NPBWR2: variants seen among roughly 807,000 people sequenced by gnomAD.
The protein encoded by NPBWR2 is neuropeptides B and W receptor 2.
For missense variants in NPBWR2, 390 were observed against 458.2 expected (o/e 0.85, Z 1.36); for synonymous variants, 207 against 223.5 (o/e 0.93, Z 0.66).
chr20:64,106,539 A>G lies in NPBWR2; in HGVS notation c.293T>C (p.Leu98Pro), dbSNP rs968373723. ...AVADGLFTLV[L>P]PVNIAEHLLQ... ...CAGGTGCTCCGCGATGTTGACGGGC[A>G]GTACCAGCGTGAAGAGCCCGTCGGC... Residue 98 changes from leucine (L) to proline (P), a missense_variant, in exon 2 of 2, where the codon CTG (leucine) becomes CCG (proline). Coordinates refer to ENST00000684052, the MANE Select transcript of NPBWR2 (RefSeq NM_005286.4). This position sits in a 1 kb window ranked among gnomAD's most constrained non-coding sequence, Gnocchi z 9.5. 3 of 1,612,298 alleles carry G rather than the reference A, an allele frequency of 1.9e-6. No individual in the cohort carries two copies. Among genetic ancestry groups the G allele is most frequent in the Non-Finnish European group, 2.5e-6 (3 of 1,179,972 alleles).
Position 64,106,878 on chromosome 20 carries a change from G to A in NPBWR2, c.-47C>T. 2 of 1,578,850 alleles carry A rather than the reference G, an allele frequency of 1.3e-6. No homozygotes were observed. Among genetic ancestry groups the A allele is most frequent in the Non-Finnish European group, 1.7e-6 (2 of 1,159,548 alleles). ...TTTGCGCCCTGGGCAGGTGGGAGGTGCCTTGGAGTTGGGTATCTGGTTGGG... is the reference window on the plus strand; with the variant it reads ...TTTGCGCCCTGGGCAGGTGGGAGGTACCTTGGAGTTGGGTATCTGGTTGGG... On this transcript the variant is annotated 5_prime_UTR_variant, in exon 2 of 2. Transcript: ENST00000684052. This position sits in a 1 kb window ranked among gnomAD's most constrained non-coding sequence, Gnocchi z 9.5.
At position 64,106,226 on chromosome 20, in the gene NPBWR2, C is replaced by T. The variant is rs145113933; in HGVS notation, c.606G>A (p.Pro202=). 2,043 of 1,612,724 alleles carry T rather than the reference C, an allele frequency of 1.3e-3. 2 individuals are homozygous for T. Among genetic ancestry groups the T allele is most frequent in the Non-Finnish European group, 1.6e-3 (1,855 of 1,179,958 alleles). ...LQVPSCGLSF[P]WPEQVWFKAS... ...CCTTGAACCAGACCTGCTCGGGCCA[C>T]GGGAAGCTCAGCCCACAGCTTGGGA... Residue 202 remains proline, a synonymous_variant, in exon 2 of 2, where the codon CCG becomes CCA. Transcript: ENST00000684052. This position sits in a 1 kb window ranked among gnomAD's most constrained non-coding sequence, Gnocchi z 9.5.
rs1980085659 is a variant in NPBWR2, at chr20:64,107,252, C to G, written c.-92+112G>C. 1.3e-5 allele frequency: 3 copies of G among 231,078 alleles called. No homozygotes were observed. Among genetic ancestry groups the G allele is most frequent in the Admixed American group, 1.0e-4 (2 of 19,724 alleles). 14.3% of individuals were successfully genotyped at this position (231,078 alleles called of 1,614,324 possible). A position where few individuals can be genotyped will look rare whatever the true frequency, so the allele number is the denominator to read the frequency against. On this transcript the variant is annotated intron_variant, in intron 1 of 1. Coordinates refer to ENST00000684052, the MANE Select transcript of NPBWR2 (RefSeq NM_005286.4). This position sits in a 1 kb window ranked among gnomAD's most constrained non-coding sequence, Gnocchi z 6.3. The stretch of plus-strand genomic sequence containing the variant: ...CACCTCCCAAGCTCATCTCTGGCTC[C>G]CTTGAATCTGAAGGTCCTTCCCTCA...
Position 64,107,229 on chromosome 20 carries a change from C to G in NPBWR2, c.-92+135G>C, listed in dbSNP as rs1401745608. ...ATCAAGCGGTCCCTTTGGAAACACA[C>G]CTCCCAAGCTCATCTCTGGCTCCCT... On this transcript the variant is annotated intron_variant, in intron 1 of 1. Transcript: ENST00000684052. The surrounding 1 kb of genome is among the most constrained non-coding windows in gnomAD (Gnocchi z 6.3). The G allele has an allele frequency of 3.8e-6, 1 of 261,706 alleles. No homozygotes were observed. The highest frequency in any genetic ancestry group is 7.6e-6 in the Non-Finnish European group (1 of 131,376). 16.2% of individuals were successfully genotyped at this position (261,706 alleles called of 1,614,324 possible). A position where few individuals can be genotyped will look rare whatever the true frequency, so the allele number is the denominator to read the frequency against.
chr20:64,104,549 A>C lies in NPBWR2; in HGVS notation c.*1281T>G, dbSNP rs1178254802. ...CAGACACAGCAGGGGGGCACAGGGG[A>C]GCACAGGCCATGGTGAGGACTGTCG... is the stretch of plus-strand genomic sequence containing the variant. On this transcript the variant is annotated 3_prime_UTR_variant, in exon 2 of 2. Coordinates refer to ENST00000684052, the MANE Select transcript of NPBWR2 (RefSeq NM_005286.4). Among the ~76,000 whole-genome samples, 14 of 141,222 alleles carry C rather than the reference A, an allele frequency of 9.9e-5. No homozygotes were observed. Among genetic ancestry groups the C allele is most frequent in the African/African-American group, 3.5e-4 (13 of 36,914 alleles). The allele number at this position is 141,222 out of a possible 152,430, so 92.6% of individuals were successfully genotyped here.
chr20:64,106,927 G>C lies in NPBWR2; in HGVS notation c.-91-5C>G, dbSNP rs1980075873. The C allele has an allele frequency of 1.0e-5, 15 of 1,440,880 alleles. No individual in the cohort carries two copies. Among genetic ancestry groups the C allele is most frequent in the Non-Finnish European group, 1.2e-5 (13 of 1,065,128 alleles). 89.3% of individuals were successfully genotyped at this position (1,440,880 alleles called of 1,614,324 possible). A position where few individuals can be genotyped will look rare whatever the true frequency, so the allele number is the denominator to read the frequency against. On this transcript the variant is annotated splice_polypyrimidine_tract_variant and splice_region_variant and intron_variant, in intron 1 of 1. Transcript: ENST00000684052. The surrounding 1 kb of genome is among the most constrained non-coding windows in gnomAD (Gnocchi z 9.5). Reference sequence around the variant, plus strand: ...GGGGCCTCCTTGGGCTGGATTCTAGGAAAGAAAAACAACCAGAGACTTTGA... The same window carrying C: ...GGGGCCTCCTTGGGCTGGATTCTAGCAAAGAAAAACAACCAGAGACTTTGA...
At position 64,103,949 on chromosome 20, in the gene NPBWR2, C is replaced by T. The variant is rs80200930; in HGVS notation, c.*1881G>A. ...CAGGCCTGAGCCGAGTGGGCTGGAA[C>T]GCTGGAGTATTTGGTGGATGGGTGG... is the stretch of plus-strand genomic sequence containing the variant. On this transcript the variant is annotated 3_prime_UTR_variant, in exon 2 of 2. Coordinates refer to ENST00000684052, the MANE Select transcript of NPBWR2 (RefSeq NM_005286.4). Among the ~76,000 whole-genome samples the T allele has an allele frequency of 3.7e-3, 561 of 152,304 alleles. 7 individuals are homozygous for T. The highest frequency in any genetic ancestry group is 0.029 in the East Asian group (151 of 5,188).
rs1980005384 is a variant in NPBWR2, at chr20:64,105,843, A to G, written c.989T>C (p.Ile330Thr). The change falls in exon 2 of 2, where the codon ATA becomes ACA. Residue 330 changes from isoleucine (I) to threonine (T), a missense_variant. Coordinates refer to ENST00000684052, the MANE Select transcript of NPBWR2 (RefSeq NM_005286.4). Reference sequence around the variant, plus strand: ...TGCCCAGGCCCTTCAGCACCGCAATATGCTGCGGAAGTTCTTCCGGAAGTT... The same window carrying G: ...TGCCCAGGCCCTTCAGCACCGCAATGTGCTGCGGAAGTTCTTCCGGAAGTT... ...DDNFRKNFRS[I>T]LRC 2 of 1,488,684 alleles carry G rather than the reference A, an allele frequency of 1.3e-6. No individual in the cohort carries two copies. The highest frequency in any genetic ancestry group is 2.4e-5 in the South Asian group (2 of 81,946). 92.2% of individuals were successfully genotyped at this position (1,488,684 alleles called of 1,614,324 possible). A position where few individuals can be genotyped will look rare whatever the true frequency, so the allele number is the denominator to read the frequency against.
chr20:64,105,685 G>GCATGATGAT lies in NPBWR2; in HGVS notation c.*144_*145insATCATCATG. 1 of 410,140 alleles carries GCATGATGAT rather than the reference G, an allele frequency of 2.4e-6. No individual in the cohort carries two copies. The highest frequency in any genetic ancestry group is 4.2e-6 in the Non-Finnish European group (1 of 240,478). The allele number at this position is 410,140 out of a possible 1,614,324, so 25.4% of individuals were successfully genotyped here. A position where few individuals can be genotyped will look rare whatever the true frequency, so the allele number is the denominator to read the frequency against. ...GGCATGATGATGGGCGTGATGATGG[G>GCATGATGAT]GGTGGTGGTGGGGGTGATGGTGGGG... On this transcript the variant is annotated 3_prime_UTR_variant, in exon 2 of 2. Coordinates refer to ENST00000684052, the MANE Select transcript of NPBWR2 (RefSeq NM_005286.4).
chr20:64,103,936 G>A lies in NPBWR2; in HGVS notation c.*1894C>T, dbSNP rs1032495779. Among the ~76,000 whole-genome samples, 1 of 152,248 alleles carries A rather than the reference G, an allele frequency of 6.6e-6. No homozygotes were observed. Among genetic ancestry groups the A allele is most frequent in the Non-Finnish European group, 1.5e-5 (1 of 68,032 alleles). Reference sequence around the variant, plus strand: ...AGGGGCACTGCTGCAGGCCTGAGCCGAGTGGGCTGGAACGCTGGAGTATTT... The same window carrying A: ...AGGGGCACTGCTGCAGGCCTGAGCCAAGTGGGCTGGAACGCTGGAGTATTT... On this transcript the variant is annotated 3_prime_UTR_variant, in exon 2 of 2. Transcript: ENST00000684052.
chr20:64,106,248 G>C lies in NPBWR2; in HGVS notation c.584C>G (p.Pro195Arg). The change falls in exon 2 of 2, where the codon CCA becomes CGA. Residue 195 changes from proline (P) to arginine (R), a missense_variant. Pro to Arg is a moderately radical substitution (Grantham distance 103). Coordinates refer to ENST00000684052, the MANE Select transcript of NPBWR2 (RefSeq NM_005286.4). This position sits in a 1 kb window ranked among gnomAD's most constrained non-coding sequence, Gnocchi z 9.5. ...AGVYSNELQV[P>R]SCGLSFPWPE... ...CCACGGGAAGCTCAGCCCACAGCTT[G>C]GGACCTGCAGCTCGTTGCTGTAGAC... 6.2e-7 allele frequency: 1 copy of C among 1,612,782 alleles called. No individual in the cohort carries two copies. The highest frequency in any genetic ancestry group is 8.5e-7 in the Non-Finnish European group (1 of 1,179,990).
Position 64,104,857 on chromosome 20 carries a change from C to T in NPBWR2, c.*973G>A, listed in dbSNP as rs1298150690. On this transcript the variant is annotated 3_prime_UTR_variant, in exon 2 of 2. Coordinates refer to ENST00000684052, the MANE Select transcript of NPBWR2 (RefSeq NM_005286.4). ...GAGCACAGGCCATGGAGAGGACCGT[C>T]GGACACAGCAGGGGGGCACAGGGGA... 5.5e-5 allele frequency among the ~76,000 whole-genome samples: 8 copies of T among 144,784 alleles called. No individual in the cohort carries two copies. Among genetic ancestry groups the T allele is most frequent in the African/African-American group, 1.6e-4 (6 of 38,624 alleles). The allele number at this position is 144,784 out of a possible 152,430, so 95.0% of individuals were successfully genotyped here.
Position 64,104,585 on chromosome 20 carries a change from G to A in NPBWR2, c.*1245C>T, listed in dbSNP as rs897463098. 6.7e-5 allele frequency among the ~76,000 whole-genome samples: 10 copies of A among 149,094 alleles called. No homozygotes were observed. Among genetic ancestry groups the A allele is most frequent in the Non-Finnish European group, 1.3e-4 (9 of 67,392 alleles). On this transcript the variant is annotated 3_prime_UTR_variant, in exon 2 of 2. Coordinates refer to ENST00000684052, the MANE Select transcript of NPBWR2 (RefSeq NM_005286.4). ...TGGTGAGGACTGTCGGCCACAGCAG[G>A]GGAGCACAGGCCATGGAGAGGACCG...
In NPBWR2 at chr20:64,105,370, G is replaced by C. The variant is rs6062631; in HGVS notation, c.*460C>G. Among the ~76,000 whole-genome samples, 1 of 149,742 alleles carries C rather than the reference G, an allele frequency of 6.7e-6. No individual in the cohort carries two copies. The highest frequency in any genetic ancestry group is 1.5e-5 in the Non-Finnish European group (1 of 67,596). On this transcript the variant is annotated 3_prime_UTR_variant, in exon 2 of 2. Transcript: ENST00000684052. ...ACCCAGGGGCTGTCCAGGAAGCAGA[G>C]ACATGGGAGGTATATGCCCACGGCT...
At position 64,107,096 on chromosome 20, in the gene NPBWR2, G is replaced by A. The variant is rs1980080623; in HGVS notation, c.-91-174C>T. 1 of 586,852 alleles carries A rather than the reference G, an allele frequency of 1.7e-6. No homozygotes were observed. Among genetic ancestry groups the A allele is most frequent in the South Asian group, 2.2e-5 (1 of 45,532 alleles). The allele number at this position is 586,852 out of a possible 1,614,324, so 36.4% of individuals were successfully genotyped here. A position where few individuals can be genotyped will look rare whatever the true frequency, so the allele number is the denominator to read the frequency against. ...CCCGCCTCTTCCTGGTGAGACTTCA[G>A]CAGATCAGTTCCCTCCTCCCGCAGA... is the stretch of plus-strand genomic sequence containing the variant. On this transcript the variant is annotated intron_variant, in intron 1 of 1. Coordinates refer to ENST00000684052, the MANE Select transcript of NPBWR2 (RefSeq NM_005286.4). The surrounding 1 kb of genome is among the most constrained non-coding windows in gnomAD (Gnocchi z 6.3).
Position 64,106,721 on chromosome 20 carries a change from G to A in NPBWR2, c.111C>T (p.Phe37=). Residue 37 remains phenylalanine, a synonymous_variant, in exon 2 of 2, where the codon TTC becomes TTT. Transcript: ENST00000684052. The surrounding 1 kb of genome is among the most constrained non-coding windows in gnomAD (Gnocchi z 9.5). ...CATAGAGGAACGGCAGTGGCTCGGA[G>A]AAGGTGGCATTGTGGCCAGTGCCAT... is the stretch of plus-strand genomic sequence containing the variant. The part of the protein sequence containing the change: ...QDNGTGHNAT[F]SEPLPFLYVL... The A allele has an allele frequency of 6.2e-7, 1 of 1,612,730 alleles. No individual in the cohort carries two copies. The highest frequency in any genetic ancestry group is 8.5e-7 in the Non-Finnish European group (1 of 1,180,028).
chr20:64,106,788 G>A lies in NPBWR2; in HGVS notation c.44C>T (p.Ser15Phe), dbSNP rs1417622169. The A allele has an allele frequency of 1.9e-6, 3 of 1,612,486 alleles. No individual in the cohort carries two copies. The highest frequency in any genetic ancestry group is 2.5e-6 in the Non-Finnish European group (3 of 1,179,752). ...GHPEPLDSRG[S>F]FSLPTMGANV... ...GGCACCCATCGTGGGGAGGGAGAAG[G>A]AGCCCCTGCTGTCAAGGGGCTCTGG... is the stretch of plus-strand genomic sequence containing the variant. The change falls in exon 2 of 2, where the codon TCC becomes TTC. Residue 15 changes from serine to phenylalanine, a missense_variant. Ser to Phe is a radical substitution (Grantham distance 155). Coordinates refer to ENST00000684052, the MANE Select transcript of NPBWR2 (RefSeq NM_005286.4). This position sits in a 1 kb window ranked among gnomAD's most constrained non-coding sequence, Gnocchi z 9.5.
Position 64,106,546 on chromosome 20 carries a change from G to T in NPBWR2, c.286C>A (p.Leu96Met). 1 of 1,612,144 alleles carries T rather than the reference G, an allele frequency of 6.2e-7. No homozygotes were observed. The highest frequency in any genetic ancestry group is 8.5e-7 in the Non-Finnish European group (1 of 1,179,970). ...NLAVADGLFT[L>M]VLPVNIAEHL... is the part of the protein sequence containing the mutation. ...TCCGCGATGTTGACGGGCAGTACCA[G>T]CGTGAAGAGCCCGTCGGCGACGGCC... The change falls in exon 2 of 2, where the codon CTG (leucine) becomes ATG (methionine). Residue 96 changes from leucine to methionine, a missense_variant. Leu to Met is a conservative substitution (Grantham distance 15). Transcript: ENST00000684052. The surrounding 1 kb of genome is among the most constrained non-coding windows in gnomAD (Gnocchi z 9.5).
rs112522486 is a variant in NPBWR2, at chr20:64,106,964, C to G, written c.-91-42G>C. 215 of 1,123,220 alleles carry G rather than the reference C, an allele frequency of 1.9e-4. 3 individuals are homozygous for G. The Middle Eastern group carries it at 5.5e-3, about 29-fold the overall frequency. 69.6% of individuals were successfully genotyped at this position (1,123,220 alleles called of 1,614,324 possible). A position where few individuals can be genotyped will look rare whatever the true frequency, so the allele number is the denominator to read the frequency against. On this transcript the variant is annotated intron_variant, in intron 1 of 1. Coordinates refer to ENST00000684052, the MANE Select transcript of NPBWR2 (RefSeq NM_005286.4). The surrounding 1 kb of genome is among the most constrained non-coding windows in gnomAD (Gnocchi z 9.5). ...ACCAGAGACTTTGAGATCCGGCCGT[C>G]TGTTAGGGCACAGCCACTCCAGGTT...
Sources: gnomAD v4.1 joint callset for allele counts (sites outside exome capture counted in the v4.1 genomes callset) on GRCh38, gnomAD v4.1.1 for gene constraint, Gnocchi (gnomAD v3.1) non-coding constraint, MANE v1.5 for transcripts, NCBI Gene and HGNC (gene_info 2026-07-23, HGNC 2026-07-21) for gene names.